MFAP3L: variants seen among roughly 807,000 people sequenced by gnomAD.
MFAP3L encodes the protein microfibril associated protein 3 like.
A neutral mutation model predicts 20.0 loss-of-function variants in MFAP3L; 5 were observed. The observed-to-expected ratio is 0.25, with a 90% CI of 0.13 to 0.53. The LOEUF is 0.53. MFAP3L is among the 20% of genes least tolerant of loss of function. The pLI is 0.96. For missense variants in MFAP3L, 409 were observed against 527.5 expected (o/e 0.78, Z 2.20); for synonymous variants, 219 against 213.0 (o/e 1.03, Z -0.25).
intron 2 of MFAP3L, among the ~76,000 whole-genome samples, chr4:169,999,518 A>G (rs1361732543): frequency 6.6e-6 from 1 of 152,180 alleles, no homozygotes; most frequent in Non-Finnish European, 1.5e-5. Flanking sequence ...ATGGGCTCAT[A>G]ATAGTCTTTT....
At chr4:169,998,046 G>A (rs575896794) in intron 2 of MFAP3L, among the ~76,000 whole-genome samples, 1 of 152,306 alleles carries the variant, frequency 6.6e-6, no homozygotes, top group East Asian at 1.9e-4. Flanking sequence ...ATCTTTTTAA[G>A]AACAGTGTTT....
chr4:169,998,611 AC>A (rs1205651497), intron 2 of MFAP3L, among the ~76,000 whole-genome samples: 2 of 152,168 alleles, frequency 1.3e-5, no homozygotes, highest in African/African-American at 4.8e-5. Context: ...AAAAAATTAT[AC>A]CCAAATGCTA....
chr4:169,996,115 G>A (rs75484805), intron 2 of MFAP3L, among the ~76,000 whole-genome samples: 3,430 of 149,740 alleles, frequency 0.023, 148 homozygotes, highest in African/African-American at 0.079. Flanking sequence ...GCTCACACAC[G>A]CTGCAGGACA....
chr4:169,991,717 G>A lies in MFAP3L; in HGVS notation c.891C>T (p.Asp297=). 6.2e-7 allele frequency: 1 copy of A among 1,614,154 alleles called. No individual in the cohort carries two copies. Among genetic ancestry groups the A allele is most frequent in the Non-Finnish European group, 8.5e-7 (1 of 1,180,040 alleles). The change falls in exon 3 of 3, where the codon GAC becomes GAT. Residue 297 remains aspartate, a synonymous_variant. Coordinates refer to ENST00000361618, the MANE Select transcript of MFAP3L (RefSeq NM_021647.8). The surrounding 1 kb of genome is among the most constrained non-coding windows in gnomAD (Gnocchi z 4.9). ...YTIPNSLKRS[D]SPAADSDASS... ...AGGCGTCCGAGTCAGCGGCAGGGGAGTCGCTCCGCTTCAGAGAGTTGGGGA... is the reference window on the plus strand; with the variant it reads ...AGGCGTCCGAGTCAGCGGCAGGGGAATCGCTCCGCTTCAGAGAGTTGGGGA...
Position 169,992,392 on chromosome 4 carries a change from T to C in MFAP3L, c.299-83A>G. 3 of 1,171,644 alleles carry C rather than the reference T, an allele frequency of 2.6e-6. No homozygotes were observed. Among genetic ancestry groups the C allele is most frequent in the Non-Finnish European group, 3.6e-6 (3 of 822,816 alleles). 72.6% of individuals were successfully genotyped at this position (1,171,644 alleles called of 1,614,324 possible). On this transcript the variant is annotated intron_variant, in intron 2 of 2. Coordinates refer to ENST00000361618, the MANE Select transcript of MFAP3L (RefSeq NM_021647.8). The surrounding 1 kb of genome is among the most constrained non-coding windows in gnomAD (Gnocchi z 4.3). ...ACTGATACGTTTCTAAGAACATCTA[T>C]GAACATCTATGAAGAACATCTATGA...
chr4:169,988,313 GAATA>G lies in MFAP3L; in HGVS notation c.*3061_*3064del, dbSNP rs373800489. ...CATATAAAATTGTTTTCCCCATTTAGAATAAATACCATCCAAGTTTACAGATCAT... is the reference window on the plus strand; with the variant it reads ...CATATAAAATTGTTTTCCCCATTTAGAATACCATCCAAGTTTACAGATCAT... On this transcript the variant is annotated 3_prime_UTR_variant, in exon 3 of 3. Coordinates refer to ENST00000361618, the MANE Select transcript of MFAP3L (RefSeq NM_021647.8). 49 of 152,170 alleles carry G rather than the reference GAATA, an allele frequency of 3.2e-4. No individual in the cohort carries two copies. The highest frequency in any genetic ancestry group is 1.1e-3 in the African/African-American group (44 of 41,520). The allele number at this position is 152,170 out of a possible 1,614,324, so 9.4% of individuals were successfully genotyped here. A position where few individuals can be genotyped will look rare whatever the true frequency, so the allele number is the denominator to read the frequency against.
chr4:170,012,977 C>T (rs1739478142), intron 1 of MFAP3L, among the ~76,000 whole-genome samples: 1 of 151,980 alleles, frequency 6.6e-6, no homozygotes, highest in Admixed American at 6.6e-5. Context: ...TTTTGATACA[C>T]AGAAGGCACG....
chr4:170,005,267 T>C (rs953650242), intron 2 of MFAP3L: 18 of 399,812 alleles, frequency 4.5e-5, no homozygotes, highest in Middle Eastern at 6.5e-4. Flanking sequence ...CCCTTAAAAA[T>C]TGAATATATT....
chr4:170,012,854 C>A (rs904476022), intron 1 of MFAP3L, among the ~76,000 whole-genome samples: 10 of 152,190 alleles, frequency 6.6e-5, no homozygotes, highest in Admixed American at 6.5e-4. Flanking sequence ...CTGTGAACAG[C>A]CACCAGATGA....
At chr4:170,002,944 G>A (rs1437936141) in intron 2 of MFAP3L, among the ~76,000 whole-genome samples, 1 of 151,748 alleles carries the variant, frequency 6.6e-6, no homozygotes, top group African/African-American at 2.4e-5. Context: ...TTATAATATG[G>A]ACATTTCCCC....
chr4:170,002,337 T>A (rs1440600503), intron 2 of MFAP3L: 1 of 727,474 alleles, frequency 1.4e-6, no homozygotes, highest in Non-Finnish European at 1.7e-6. Context: ...TACATGAGGA[T>A]TAATAACACT....
At chr4:170,025,700 C>CTTCA (rs1740310126) in intron 1 of MFAP3L, among the ~76,000 whole-genome samples, 2 of 152,192 alleles carry the variant, frequency 1.3e-5, no homozygotes, top group African/African-American at 2.4e-5. Context: ...ACTCCGAGAG[C>CTTCA]TTCAGTAGCG....
Position 169,988,313 on chromosome 4 carries a change from G to C in MFAP3L, c.*3065C>G, listed in dbSNP as rs772176412. 4.6e-5 allele frequency: 7 copies of C among 152,052 alleles called. No individual in the cohort carries two copies. Among genetic ancestry groups the C allele is most frequent in the South Asian group, 2.1e-4 (1 of 4,818 alleles). The allele number at this position is 152,052 out of a possible 1,614,324, so 9.4% of individuals were successfully genotyped here. A position where few individuals can be genotyped will look rare whatever the true frequency, so the allele number is the denominator to read the frequency against. ...CATATAAAATTGTTTTCCCCATTTAGAATAAATACCATCCAAGTTTACAGA... is the reference window on the plus strand; with the variant it reads ...CATATAAAATTGTTTTCCCCATTTACAATAAATACCATCCAAGTTTACAGA... On this transcript the variant is annotated 3_prime_UTR_variant, in exon 3 of 3. Transcript: ENST00000361618.
At chr4:170,017,720 A>G (rs187181235) in intron 1 of MFAP3L, among the ~76,000 whole-genome samples, 9 of 152,326 alleles carry the variant, frequency 5.9e-5, no homozygotes, top group Middle Eastern at 3.4e-3. Flanking sequence ...AGTGGTTAAG[A>G]TCAGTCTTCC....
chr4:170,018,575 G>A (rs1284039155), intron 1 of MFAP3L, among the ~76,000 whole-genome samples: 3 of 152,178 alleles, frequency 2.0e-5, no homozygotes, highest in African/African-American at 7.2e-5. Context: ...TCCACTGCAC[G>A]TCCTGGGTAC....
At chr4:170,022,058 C>T (rs548827003) in intron 1 of MFAP3L, among the ~76,000 whole-genome samples, 4 of 152,300 alleles carry the variant, frequency 2.6e-5, no homozygotes, top group East Asian at 3.9e-4. Flanking sequence ...GTGCATGGTA[C>T]GCAGACAGCA....
intron 1 of MFAP3L, among the ~76,000 whole-genome samples, chr4:170,025,839 T>G (rs541894782): frequency 2.0e-5 from 3 of 152,172 alleles, no homozygotes; most frequent in East Asian, 3.9e-4. Context: ...CCTGTCCGGG[T>G]AAACTGAGGC....
At chr4:170,024,770 C>G (rs1443132771) in intron 1 of MFAP3L, among the ~76,000 whole-genome samples, 2 of 152,118 alleles carry the variant, frequency 1.3e-5, no homozygotes, top group Non-Finnish European at 2.9e-5. Context: ...AGGACAGAGC[C>G]AACTCTATAC....
In MFAP3L at chr4:169,988,786, C is replaced by T. The variant is rs1297577430; in HGVS notation, c.*2592G>A. ...TATCAAAACCGAGAGCATTATGATG[C>T]CTTAAAGAGGGAGAAAGTTTTGAAA... On this transcript the variant is annotated 3_prime_UTR_variant, in exon 3 of 3. Transcript: ENST00000361618. The T allele has an allele frequency of 1.3e-5, 2 of 152,134 alleles. No individual in the cohort carries two copies. The highest frequency in any genetic ancestry group is 4.8e-5 in the African/African-American group (2 of 41,428). The allele number at this position is 152,134 out of a possible 1,614,324, so 9.4% of individuals were successfully genotyped here.
Sources: allele counts gnomAD v4.1 joint callset (sites outside exome capture counted in the v4.1 genomes callset), GRCh38; gene constraint gnomAD v4.1.1; non-coding constraint Gnocchi (gnomAD v3.1); transcripts MANE v1.5; gene names NCBI Gene and HGNC (gene_info 2026-07-23, HGNC 2026-07-21).